The following NFASC variants were observed in gnomAD, a reference collection of about 807,000 sequenced individuals.
NFASC encodes neurofascin, also known as neurofascin homolog.
A neutral mutation model predicts 147.5 loss-of-function variants in NFASC; 43 were observed. The ratio of observed to expected loss-of-function variants is 0.29; its 90% confidence interval spans 0.23 to 0.38. The LOEUF is 0.38. NFASC is among the 10% of genes least tolerant of loss of function. NFASC has a pLI of 1.00. For synonymous variants in NFASC, 622 were observed against 665.5 expected (o/e 0.93, Z 1.01); for missense variants, 1,320 against 1,689.0 (o/e 0.78, Z 3.83).
chr1:204,854,640 T>TGG (rs1311050213), intron 1 of NFASC, among the ~76,000 whole-genome samples: 1 of 152,212 alleles, frequency 6.6e-6, no homozygotes, highest in Non-Finnish European at 1.5e-5. Context: ...CATTCATCTC[T>TGG]GGGACACAAA....
chr1:204,969,838 G>C (rs1229258790), intron 10 of NFASC, among the ~76,000 whole-genome samples: 1 of 152,108 alleles, frequency 6.6e-6, no homozygotes, highest in Non-Finnish European at 1.5e-5. Context: ...AGCACTTTGG[G>C]AGGCCAAGGT....
chr1:204,829,468 C>T (rs1671583150), intron 1 of NFASC, among the ~76,000 whole-genome samples: 1 of 152,092 alleles, frequency 6.6e-6, no homozygotes, highest in South Asian at 2.1e-4. Context: ...TGTACCCAGC[C>T]CTCCCTCAGT....
rs765964933 is a variant in NFASC, at chr1:204,924,950, AC to A, written c.-91+4211del. 7.2e-4 allele frequency among the ~76,000 whole-genome samples: 109 copies of A among 152,330 alleles called. 1 individual carries two copies. The highest frequency in any genetic ancestry group is 1.1e-3 in the Non-Finnish European group (72 of 68,028). On this transcript the variant is annotated intron_variant, in intron 2 of 29. Coordinates refer to ENST00000339876, the MANE Select transcript of NFASC (RefSeq NM_001005388.3). ...GAGTGCAGTGGTGCAATCTGGGCTC[AC>A]TGCAATCTTCACCTCCCAGGTTCAA...
In NFASC at chr1:204,986,927, T is replaced by C. The variant is rs578069821; in HGVS notation, c.2471-491T>C. The C allele has an allele frequency of 1.8e-4, 28 of 158,750 alleles. No homozygotes were observed. Among genetic ancestry groups the C allele is most frequent in the South Asian group, 1.5e-3 (8 of 5,330 alleles). The allele number at this position is 158,750 out of a possible 1,614,324, so 9.8% of individuals were successfully genotyped here. ...CCCACCCTCCCACCTCTTCCGGATG[T>C]TCCACCCTGGCTTTCTGTCTCCTTA... On this transcript the variant is annotated intron_variant, in intron 21 of 29. Transcript: ENST00000339876. The surrounding 1 kb of genome is among the most constrained non-coding windows in gnomAD (Gnocchi z 4.2).
At chr1:204,890,753 AG>A (rs1216102619) in intron 1 of NFASC, among the ~76,000 whole-genome samples, 3 of 152,150 alleles carry the variant, frequency 2.0e-5, no homozygotes, top group Admixed American at 6.5e-5. Context: ...TATTTTTAGT[AG>A]AGACAGGGTT....
chr1:204,979,218 T>C lies in NFASC; in HGVS notation c.1979-144T>C, dbSNP rs113496527. 1.1e-6 allele frequency: 1 copy of C among 942,886 alleles called. No individual in the cohort carries two copies. 58.4% of individuals were successfully genotyped at this position (942,886 alleles called of 1,614,324 possible). Reference sequence around the variant, plus strand: ...GAATGTACAGAGGCCTTGGTGTCTCTTCCTGTGCCTTGGGAAGAATTCTCC... The same window carrying C: ...GAATGTACAGAGGCCTTGGTGTCTCCTCCTGTGCCTTGGGAAGAATTCTCC... On this transcript the variant is annotated intron_variant, in intron 18 of 29. Coordinates refer to ENST00000339876, the MANE Select transcript of NFASC (RefSeq NM_001005388.3). This position sits in a 1 kb window ranked among gnomAD's most constrained non-coding sequence, Gnocchi z 6.0.
At position 204,975,632 on chromosome 1, in the gene NFASC, G is replaced by A. The variant is rs1339642654; in HGVS notation, c.1706+214G>A. On this transcript the variant is annotated intron_variant, in intron 15 of 29. Coordinates refer to ENST00000339876, the MANE Select transcript of NFASC (RefSeq NM_001005388.3). The surrounding 1 kb of genome is among the most constrained non-coding windows in gnomAD (Gnocchi z 4.0). ...TGTACAACCTCCCTCTCTCCCACCA[G>A]CTCCCTGCTTCTCTCTCCTACACCT... Among the ~76,000 whole-genome samples, 1 of 151,856 alleles carries A rather than the reference G, an allele frequency of 6.6e-6. No homozygotes were observed. Among genetic ancestry groups the A allele is most frequent in the Non-Finnish European group, 1.5e-5 (1 of 67,938 alleles).
chr1:204,852,155 G>A (rs1197736275), intron 1 of NFASC, among the ~76,000 whole-genome samples: 1 of 152,118 alleles, frequency 6.6e-6, no homozygotes, highest in Admixed American at 6.5e-5. Context: ...TATTAGAATT[G>A]GAAGGAGCAT....
In NFASC at chr1:204,979,193, G is replaced by A. The variant is rs2095468432; in HGVS notation, c.1978+124G>A. ...TGATGTGTGTCCTGGGCTAACCTCA[G>A]AATGTACAGAGGCCTTGGTGTCTCT... On this transcript the variant is annotated intron_variant, in intron 18 of 29. Coordinates refer to ENST00000339876, the MANE Select transcript of NFASC (RefSeq NM_001005388.3). This position sits in a 1 kb window ranked among gnomAD's most constrained non-coding sequence, Gnocchi z 6.0. The A allele has an allele frequency of 1.0e-6, 1 of 970,810 alleles. No individual in the cohort carries two copies. Among genetic ancestry groups the A allele is most frequent in the Admixed American group, 2.2e-5 (1 of 45,912 alleles). The allele number at this position is 970,810 out of a possible 1,614,324, so 60.1% of individuals were successfully genotyped here. A position where few individuals can be genotyped will look rare whatever the true frequency, so the allele number is the denominator to read the frequency against.
chr1:204,910,755 C>T (rs1380703413), intron 1 of NFASC, among the ~76,000 whole-genome samples: 2 of 152,128 alleles, frequency 1.3e-5, no homozygotes, highest in Non-Finnish European at 1.5e-5. Context: ...CTCCTACCTC[C>T]GGCCTCCCAA....
At chr1:204,857,475 CT>C (rs11323272) in intron 1 of NFASC, among the ~76,000 whole-genome samples, 28,875 of 152,110 alleles carry the variant, frequency 0.19, 4,273 homozygotes, top group East Asian at 0.53. Flanking sequence ...CCCTGCCTGC[CT>C]AGCAACAGGT....
chr1:204,831,758 A>G (rs1240562176), intron 1 of NFASC, among the ~76,000 whole-genome samples: 2 of 152,140 alleles, frequency 1.3e-5, no homozygotes, highest in African/African-American at 4.8e-5. Context: ...GGCCGGTTTC[A>G]TACTTACTCA....
At chr1:204,985,051 A>G (rs2095587213) in intron 21 of NFASC, among the ~76,000 whole-genome samples, 1 of 152,198 alleles carries the variant, frequency 6.6e-6, no homozygotes, top group Non-Finnish European at 1.5e-5. Context: ...GCTCTTCCCC[A>G]CAGATGACTT....
intron 1 of NFASC, among the ~76,000 whole-genome samples, chr1:204,913,911 A>G (rs1038695749): frequency 2.0e-5 from 3 of 151,878 alleles, no homozygotes; most frequent in African/African-American, 7.3e-5. Context: ...AAAAGAAAAG[A>G]AAAAAGAAAT....
At chr1:204,949,510 C>T (rs959522651) in intron 3 of NFASC, among the ~76,000 whole-genome samples, 1 of 152,248 alleles carries the variant, frequency 6.6e-6, no homozygotes, top group Non-Finnish European at 1.5e-5. Flanking sequence ...TGCCATGTTA[C>T]TTTCTGATAT....
In NFASC at chr1:204,962,851, A is replaced by G. The variant is rs373019812; in HGVS notation, c.706+5025A>G. Among the ~76,000 whole-genome samples the G allele has an allele frequency of 3.0e-4, 45 of 152,308 alleles. No individual in the cohort carries two copies. In the East Asian group the frequency reaches 3.7e-3, roughly 12 times the overall value. On this transcript the variant is annotated intron_variant, in intron 8 of 29. Coordinates refer to ENST00000339876, the MANE Select transcript of NFASC (RefSeq NM_001005388.3). ...ACTTGCGAGACATGGAACAATTACA[A>G]TGAGGCATGGTTTTAACTCATGACA...
chr1:204,858,439 T>A (rs1024391530), intron 1 of NFASC, among the ~76,000 whole-genome samples: 1 of 152,112 alleles, frequency 6.6e-6, no homozygotes, highest in Admixed American at 6.5e-5. Flanking sequence ...CCTGTTTTGG[T>A]CTGAGTGACT....
intron 1 of NFASC, among the ~76,000 whole-genome samples, chr1:204,858,271 A>G (rs1332646748): frequency 6.6e-6 from 1 of 152,028 alleles, no homozygotes; most frequent in Non-Finnish European, 1.5e-5. Flanking sequence ...AGGCCTACCC[A>G]TGTGAGCTCC....
chr1:204,893,778 C>T (rs1437207862), intron 1 of NFASC, among the ~76,000 whole-genome samples: 1 of 152,208 alleles, frequency 6.6e-6, no homozygotes, highest in Non-Finnish European at 1.5e-5. Flanking sequence ...CAAGCTTCTC[C>T]CCCTTTGCCT....
Sources: gnomAD v4.1 joint callset for allele counts (sites outside exome capture counted in the v4.1 genomes callset) on GRCh38, gnomAD v4.1.1 for gene constraint, Gnocchi (gnomAD v3.1) non-coding constraint, MANE v1.5 for transcripts, NCBI Gene and HGNC (gene_info 2026-07-23, HGNC 2026-07-21) for gene names.